The following PDE1C variants were observed in gnomAD, a reference collection of about 807,000 sequenced individuals.
PDE1C encodes the protein phosphodiesterase 1C.
PDE1C carries 62 observed loss-of-function variants against 93.1 expected under a neutral mutation model. The ratio of observed to expected loss-of-function variants is 0.67; its 90% CI spans 0.54 to 0.82. The LOEUF (loss-of-function observed/expected upper bound fraction) is 0.82, where lower values mean the gene tolerates loss of function less well. PDE1C is among the 40% of genes least tolerant of loss of function. PDE1C has a pLI of 0.00. For missense variants in PDE1C, 742 were observed against 884.6 expected, an observed-to-expected ratio of 0.84 and a Z score of 2.04; for synonymous variants, 325 against 310.1, an observed-to-expected ratio of 1.05 and a Z score of -0.50.
At chr7:32,055,644 T>A (rs1793973270) in intron 1 of PDE1C, among the ~76,000 whole-genome samples, 1 of 152,098 alleles carries the variant, frequency 6.6e-6, no homozygotes, top group Non-Finnish European at 1.5e-5. Context: ...AAACCCCAGT[T>A]TATTCTTGGC....
At chr7:32,182,571 C>T (rs1286952044) in intron 2 of PDE1C, among the ~76,000 whole-genome samples, 1 of 152,150 alleles carries the variant, frequency 6.6e-6, no homozygotes, top group Non-Finnish European at 1.5e-5. Context: ...TCAATAGATG[C>T]AGAAAAGACC....
At chr7:31,681,599 C>A in the PDE1C span, among the ~76,000 whole-genome samples, 8 of 152,140 alleles carry the variant, frequency 5.3e-5, no homozygotes, top group East Asian at 1.9e-4. Flanking sequence ...TGTGATTTTT[C>A]TGCGTCTGTC....
chr7:32,302,721 G>T (rs953555451), upstream of PDE1C, among the ~76,000 whole-genome samples: 1 of 145,304 alleles, frequency 6.9e-6, no homozygotes, highest in African/African-American at 2.5e-5. Context: ...AACATATATA[G>T]AATGTATCAA....
At chr7:31,702,999 TC>T in the PDE1C span, among the ~76,000 whole-genome samples, 58 of 152,346 alleles carry the variant, frequency 3.8e-4, 1 homozygote, top group African/African-American at 1.3e-3. Context: ...CTAGGTTTCA[TC>T]CCTGGTTCTG....
intron 17 of PDE1C, among the ~76,000 whole-genome samples, chr7:31,772,400 C>T (rs1795548866): frequency 6.6e-6 from 1 of 152,060 alleles, no homozygotes; most frequent in Non-Finnish European, 1.5e-5. Context: ...CCCAGTGTCC[C>T]CTGCAGCACT....
chr7:32,415,471 T>C (rs1396393311), intron 1 of PDE1C, among the ~76,000 whole-genome samples: 14 of 151,890 alleles, frequency 9.2e-5, no homozygotes, highest in Admixed American at 7.2e-4. Flanking sequence ...AAATAAATAA[T>C]GTTTTTTAAA....
chr7:31,917,645 C>G (rs957587687), intron 2 of PDE1C, among the ~76,000 whole-genome samples: 1 of 152,004 alleles, frequency 6.6e-6, no homozygotes, highest in African/African-American at 2.4e-5. Flanking sequence ...ACACGAAAAA[C>G]CACAGAATCA....
At position 32,114,285 on chromosome 7, in the gene PDE1C, C is replaced by T. The variant is rs1202335604; in HGVS notation, c.308+55500G>A. Among the ~76,000 whole-genome samples, 10 of 151,998 alleles carry T rather than the reference C, an allele frequency of 6.6e-5. No individual in the cohort carries two copies. The East Asian group carries it at 7.7e-4, about 12-fold the overall frequency. On this transcript the variant is annotated intron_variant, in intron 3 of 18. Transcript: ENST00000396193. The stretch of plus-strand genomic sequence containing the variant: ...CTACAAAAACAGACATATATACCAA[C>T]GGAACAGAACAGAGGCCTCAGAAAT...
chr7:32,260,429 T>C (rs1241991442), intron 1 of PDE1C, among the ~76,000 whole-genome samples: 3 of 152,226 alleles, frequency 2.0e-5, no homozygotes, highest in African/African-American at 4.8e-5. Flanking sequence ...GTGTGAAACA[T>C]CTGGCACAGA....
downstream of PDE1C, among the ~76,000 whole-genome samples, chr7:31,748,230 A>G (rs1306953468): frequency 1.3e-5 from 2 of 152,242 alleles, no homozygotes; most frequent in South Asian, 2.1e-4. Flanking sequence ...ACAATCACAT[A>G]TATTTTTCTC....
At chr7:31,760,811 AAACT>A (rs1392255847) in intron 17 of PDE1C, among the ~76,000 whole-genome samples, 2 of 151,144 alleles carry the variant, frequency 1.3e-5, no homozygotes, top group Non-Finnish European at 3.0e-5. Flanking sequence ...CACATATACT[AAACT>A]AACGAAATTA....
intron 1 of PDE1C, among the ~76,000 whole-genome samples, chr7:32,254,722 C>T (rs1809659757): frequency 6.6e-6 from 1 of 152,040 alleles, no homozygotes; most frequent in South Asian, 2.1e-4. Flanking sequence ...TGAATGTGTA[C>T]ACACATGCCC....
At chr7:31,850,575 T>C in intron 8 of PDE1C, 66 bp downstream of exon 8, 1 of 1,078,436 alleles carries the variant, frequency 9.3e-7, no homozygotes. Context: ...ACTAACACCT[T>C]TCTGATTTCT....
At chr7:32,158,115 C>T (rs1025748572) in intron 3 of PDE1C, among the ~76,000 whole-genome samples, 56 of 152,136 alleles carry the variant, frequency 3.7e-4, no homozygotes, top group African/African-American at 1.3e-3. Context: ...TATTCAAAAC[C>T]GGGGCCATTT....
the PDE1C span, among the ~76,000 whole-genome samples, chr7:31,697,729 T>C: frequency 9.9e-5 from 15 of 152,178 alleles, no homozygotes; most frequent in African/African-American, 3.6e-4. Flanking sequence ...CAGATTGTTG[T>C]GTTGGGGAAG....
At chr7:31,931,708 T>G (rs1804307193) in intron 2 of PDE1C, among the ~76,000 whole-genome samples, 1 of 152,170 alleles carries the variant, frequency 6.6e-6, no homozygotes, top group Admixed American at 6.5e-5. Flanking sequence ...AAGCTAACAT[T>G]GACTTTCTCC....
At chr7:32,093,685 C>A (rs1797596990) in intron 3 of PDE1C, among the ~76,000 whole-genome samples, 1 of 152,234 alleles carries the variant, frequency 6.6e-6, no homozygotes, top group African/African-American at 2.4e-5. Context: ...GCCCTGTCTT[C>A]AAGGAGTCTC....
chr7:32,002,211 C>T (rs1050915287), intron 2 of PDE1C, among the ~76,000 whole-genome samples: 1 of 152,150 alleles, frequency 6.6e-6, no homozygotes, highest in African/African-American at 2.4e-5. Context: ...AGTTTCTCCC[C>T]TGACACTAAT....
At chr7:32,407,234 C>T (rs929060080) in intron 1 of PDE1C, among the ~76,000 whole-genome samples, 2 of 152,218 alleles carry the variant, frequency 1.3e-5, no homozygotes, top group Middle Eastern at 3.4e-3. Context: ...GAGATCATGC[C>T]GCTGCAGTCC....
Sources: gnomAD v4.1 joint callset for allele counts (sites outside exome capture counted in the v4.1 genomes callset) on GRCh38, gnomAD v4.1.1 for gene constraint, MANE v1.5 for transcripts, NCBI Gene and HGNC (gene_info 2026-07-23, HGNC 2026-07-21) for gene names.